SS18: variants seen among roughly 807,000 people sequenced by gnomAD.
SS18 encodes SS18 subunit of BAF chromatin remodeling complex.
A neutral mutation model predicts 72.5 loss-of-function variants in SS18; 28 were observed. The observed-to-expected ratio is 0.39, with a 90% CI of 0.29 to 0.53. The LOEUF is 0.53. Among genes scored for constraint, SS18 ranks in the 20% least tolerant of loss-of-function variants. SS18 has a pLI of 0.76. For synonymous variants in SS18, 172 were observed against 164.2 expected (o/e 1.05, Z -0.37); for missense variants, 518 against 535.3 (o/e 0.97, Z 0.32).
chr18:26,061,274 C>A (rs1032836137), intron 3 of SS18, among the ~76,000 whole-genome samples: 4 of 152,208 alleles, frequency 2.6e-5, no homozygotes, highest in African/African-American at 9.7e-5. Flanking sequence ...GATCGTGCCA[C>A]TGCACTCCAG....
intron 3 of SS18, among the ~76,000 whole-genome samples, chr18:26,058,167 A>G (rs1404200929): frequency 1.3e-5 from 2 of 152,218 alleles, no homozygotes; most frequent in Non-Finnish European, 2.9e-5. Context: ...CATATTTTAC[A>G]CTATTTCGGG....
Position 26,087,486 on chromosome 18 carries a change from T to G in SS18, c.146+15A>C, listed in dbSNP as rs755405608. On this transcript the variant is annotated intron_variant, in intron 2 of 10. Coordinates refer to ENST00000415083, the MANE Select transcript of SS18 (RefSeq NM_001007559.3). The stretch of plus-strand genomic sequence containing the variant: ...CAAAAAACTGAATAAAAAAAAAGTT[T>G]CTTATCAATCTTACTGAGAACACTC... 1 of 1,498,910 alleles carries G rather than the reference T, an allele frequency of 6.7e-7. No individual in the cohort carries two copies. Among genetic ancestry groups the G allele is most frequent in the South Asian group, 1.2e-5 (1 of 82,240 alleles). 92.9% of individuals were successfully genotyped at this position (1,498,910 alleles called of 1,614,324 possible). A position where few individuals can be genotyped will look rare whatever the true frequency, so the allele number is the denominator to read the frequency against.
At chr18:26,027,170 A>G (rs896509566) in intron 10 of SS18, among the ~76,000 whole-genome samples, 3 of 152,188 alleles carry the variant, frequency 2.0e-5, no homozygotes, top group Admixed American at 1.3e-4. Context: ...TCAAAAACTA[A>G]TACTACCTGA....
Position 26,039,269 on chromosome 18 carries a change from T to C in SS18, c.775+20A>G. On this transcript the variant is annotated intron_variant, in intron 6 of 10. Transcript: ENST00000415083. The stretch of plus-strand genomic sequence containing the variant: ...CCTTTCAATTACATTAAGTAGCAAA[T>C]TTTCCAAATGGAATCTTACCCTGTT... 1 of 1,578,380 alleles carries C rather than the reference T, an allele frequency of 6.3e-7. No homozygotes were observed. The highest frequency in any genetic ancestry group is 8.6e-7 in the Non-Finnish European group (1 of 1,157,678).
intron 2 of SS18, chr18:26,081,427 G>A (rs1017074024): frequency 2.0e-5 from 3 of 152,268 alleles, no homozygotes; most frequent in African/African-American, 7.2e-5. Context: ...CTGATCTCAG[G>A]TGATCTGCCC....
intron 2 of SS18, chr18:26,082,519 T>C (rs1052500224): frequency 2.0e-6 from 2 of 985,124 alleles, no homozygotes; most frequent in African/African-American, 3.5e-5. Flanking sequence ...TGGAATAGTT[T>C]GGACTCACCC....
At chr18:26,056,846 T>C (rs1482749440) in intron 4 of SS18, among the ~76,000 whole-genome samples, 1 of 152,218 alleles carries the variant, frequency 6.6e-6, no homozygotes, top group East Asian at 1.9e-4. Context: ...TTGATGCTAC[T>C]GTTACAAAAA....
intron 5 of SS18, among the ~76,000 whole-genome samples, chr18:26,045,083 G>C (rs1190679894): frequency 6.6e-6 from 1 of 152,130 alleles, no homozygotes; most frequent in Non-Finnish European, 1.5e-5. Context: ...TACCTCCATA[G>C]CTATCATACT....
At position 26,055,751 on chromosome 18, in the gene SS18, GT is replaced by G. The variant is rs201307664; in HGVS notation, c.385+1837del. ...ACTATTGTTAGGAGAAATTCTTTCT[GT>G]TTTTTTTTTTTTTGTTTTTTTTTTT... On this transcript the variant is annotated intron_variant, in intron 4 of 10. Coordinates refer to ENST00000415083, the MANE Select transcript of SS18 (RefSeq NM_001007559.3). Among the ~76,000 whole-genome samples the G allele has an allele frequency of 1.2e-3, 156 of 126,768 alleles. 1 individual carries two copies. The highest frequency in any genetic ancestry group is 3.0e-3 in the African/African-American group (107 of 35,254). 83.2% of individuals were successfully genotyped at this position (126,768 alleles called of 152,430 possible). A position where few individuals can be genotyped will look rare whatever the true frequency, so the allele number is the denominator to read the frequency against.
At position 26,057,685 on chromosome 18, in the gene SS18, G is replaced by C. The variant is rs1226866468; in HGVS notation, c.289C>G (p.Pro97Ala). ...PGGMNQSGPPPPPRSHNMPSD... is the reference protein window; with the variant it reads ...PGGMNQSGPPAPPRSHNMPSD... ...GGCATGTTGTGAGAGCGTGGAGGTG[G>C]GGGAGGGCCGCTCTGATTCATCCCT... The change falls in exon 4 of 11, where the codon CCA (proline) becomes GCA (alanine). Residue 97 changes from proline to alanine, a missense_variant. Coordinates refer to ENST00000415083, the MANE Select transcript of SS18 (RefSeq NM_001007559.3). 21 of 1,613,984 alleles carry C rather than the reference G, an allele frequency of 1.3e-5. No individual in the cohort carries two copies. Among genetic ancestry groups the C allele is most frequent in the Non-Finnish European group, 1.8e-5 (21 of 1,180,012 alleles).
chr18:26,025,221 C>T (rs531430971), intron 10 of SS18, among the ~76,000 whole-genome samples: 12 of 152,168 alleles, frequency 7.9e-5, no homozygotes, highest in African/African-American at 2.4e-4. Context: ...ATAACAGCAT[C>T]AGATGCAGTT....
Position 26,018,293 on chromosome 18 carries a change from C to A in SS18, c.*61G>T. The A allele has an allele frequency of 7.1e-7, 1 of 1,417,040 alleles. No homozygotes were observed. Among genetic ancestry groups the A allele is most frequent in the East Asian group, 2.3e-5 (1 of 43,246 alleles). The allele number at this position is 1,417,040 out of a possible 1,614,324, so 87.8% of individuals were successfully genotyped here. ...GGATCTCTTCACAGGGAGGTGTCCA[C>A]AGTGCTGAGGTGACAATATGGCTGC... On this transcript the variant is annotated 3_prime_UTR_variant, in exon 11 of 11. Coordinates refer to ENST00000415083, the MANE Select transcript of SS18 (RefSeq NM_001007559.3).
rs560370788 is a variant in SS18 at position 26,018,320 on chromosome 18, A to T, written c.*34T>A. The T allele has an allele frequency of 1.3e-6, 2 of 1,581,850 alleles. No individual in the cohort carries two copies. The highest frequency in any genetic ancestry group is 1.7e-6 in the Non-Finnish European group (2 of 1,151,390). Reference sequence around the variant, plus strand: ...GTGCTGAGGTGACAATATGGCTGCTAATAGATACTGGCTACTGGAATGTAA... The same window carrying T: ...GTGCTGAGGTGACAATATGGCTGCTTATAGATACTGGCTACTGGAATGTAA... On this transcript the variant is annotated 3_prime_UTR_variant, in exon 11 of 11. Coordinates refer to ENST00000415083, the MANE Select transcript of SS18 (RefSeq NM_001007559.3).
chr18:26,087,557 A>G lies in SS18; in HGVS notation c.90T>C (p.His30=). 1 of 1,592,582 alleles carries G rather than the reference A, an allele frequency of 6.3e-7. No individual in the cohort carries two copies. Among genetic ancestry groups the G allele is most frequent in the Non-Finnish European group, 8.6e-7 (1 of 1,164,366 alleles). ...GAGAGTCCATTATACACTGAATAAG[A>G]TGGTTATTGTCATCCAACATCTGAA... The part of the protein sequence containing the change: ...AIQKMLDDNN[H]LIQCIMDSQN... The change falls in exon 2 of 11, where the codon CAT becomes CAC. Residue 30 remains histidine, a synonymous_variant. Transcript: ENST00000415083.
At chr18:26,057,779 A>G (rs2054049774) in intron 3 of SS18, 37 bp from the exon 4 acceptor site, 1 of 1,555,380 alleles carries the variant, frequency 6.4e-7, no homozygotes, top group Non-Finnish European at 8.7e-7. Flanking sequence ...AGAGAAACAG[A>G]CTAATATACG....
intron 3 of SS18, chr18:26,068,689 A>C (rs1384605405): frequency 2.6e-5 from 4 of 152,190 alleles, no homozygotes; most frequent in Admixed American, 6.5e-5. Context: ...GAAACAGCTA[A>C]TCACATGCTA....
At position 26,053,757 on chromosome 18, in the gene SS18, C is replaced by T. The variant is rs529920971; in HGVS notation, c.386-912G>A. On this transcript the variant is annotated intron_variant, in intron 4 of 10. Coordinates refer to ENST00000415083, the MANE Select transcript of SS18 (RefSeq NM_001007559.3). ...GGAAGGCAAATTAAAACTATGAGAC[C>T]GAACTTTCACCTCTCAGATTCTCAA... 2.3e-4 allele frequency among the ~76,000 whole-genome samples: 35 copies of T among 152,178 alleles called. 1 individual carries two copies. The East Asian group carries it at 6.4e-3, about 28-fold the overall frequency.
chr18:26,087,655 A>G, intron 1 of SS18, 78 bp from the exon 2 acceptor site: 2 of 828,878 alleles, frequency 2.4e-6, no homozygotes, highest in East Asian at 2.5e-5. Context: ...TCAGAAAGGG[A>G]GGGCATTAGT....
chr18:26,040,632 C>A (rs760486693), intron 5 of SS18, among the ~76,000 whole-genome samples: 1 of 152,170 alleles, frequency 6.6e-6, no homozygotes, highest in Non-Finnish European at 1.5e-5. Flanking sequence ...TACTGACTTA[C>A]AACAGCAGCA....
Sources: allele counts gnomAD v4.1 joint callset (sites outside exome capture counted in the v4.1 genomes callset), GRCh38; gene constraint gnomAD v4.1.1; transcripts MANE v1.5; gene names NCBI Gene and HGNC (gene_info 2026-07-23, HGNC 2026-07-21).